The following TMOD3 variants were observed in gnomAD, a reference collection of about 807,000 sequenced individuals.
The protein encoded by TMOD3 is tropomodulin 3.
Under a neutral mutation model 39.2 loss-of-function variants are expected in TMOD3, and 20 were observed. That is an observed-to-expected ratio of 0.51 (90% CI 0.36 to 0.74). TMOD3 has a LOEUF of 0.74. Ranked by LOEUF, TMOD3 falls within the 30% of genes least tolerant of loss-of-function variation. The probability of loss-of-function intolerance (pLI) is 0.00; values close to 1 mark genes in which losing one functional copy is unlikely to be tolerated. For missense variants in TMOD3, 381 were observed against 412.8 expected, an observed-to-expected ratio of 0.92 and a Z score of 0.67; for synonymous variants, 143 against 145.8, an observed-to-expected ratio of 0.98 and a Z score of 0.14.
chr15:51,859,450 A>G (rs1437029820), intron 1 of TMOD3: 3 of 660,788 alleles, frequency 4.5e-6, no homozygotes, highest in Non-Finnish European at 8.7e-6. Context: ...TTCCTGAAAA[A>G]GTCAACTGAA....
At position 51,911,965 on chromosome 15, in the gene TMOD3, G is replaced by A. The variant is rs1056757418; in HGVS notation, c.*3155G>A. 5.3e-5 allele frequency: 8 copies of A among 152,086 alleles called. No individual in the cohort carries two copies. The highest frequency in any genetic ancestry group is 1.7e-4 in the African/African-American group (7 of 41,418). 9.4% of individuals were successfully genotyped at this position (152,086 alleles called of 1,614,324 possible). A position where few individuals can be genotyped will look rare whatever the true frequency, so the allele number is the denominator to read the frequency against. ...AGAGTTAGCTTGGTCATTTAATTGCGACTTCATGTTATTTGATTGAAATAA... is the reference window on the plus strand; with the variant it reads ...AGAGTTAGCTTGGTCATTTAATTGCAACTTCATGTTATTTGATTGAAATAA... On this transcript the variant is annotated 3_prime_UTR_variant, in exon 10 of 10. Transcript: ENST00000308580.
At chr15:51,893,427 A>G (rs1329536359) in intron 5 of TMOD3, among the ~76,000 whole-genome samples, 2 of 151,754 alleles carry the variant, frequency 1.3e-5, no homozygotes, top group African/African-American at 4.8e-5. Flanking sequence ...TATGAGAGAG[A>G]GAGAAAGAGA....
At chr15:51,848,877 G>A (rs927494695) in intron 1 of TMOD3, among the ~76,000 whole-genome samples, 1 of 152,208 alleles carries the variant, frequency 6.6e-6, no homozygotes, top group Non-Finnish European at 1.5e-5. Flanking sequence ...GTTTCTCTAA[G>A]AAGAGCAGGC....
intron 3 of TMOD3, among the ~76,000 whole-genome samples, chr15:51,879,892 A>ACACACAC (rs1270133426): frequency 2.0e-5 from 3 of 150,338 alleles, no homozygotes; most frequent in Non-Finnish European, 3.0e-5. Context: ...ACACACACGA[A>ACACACAC]GAAGAAATTC....
intron 1 of TMOD3, among the ~76,000 whole-genome samples, chr15:51,861,947 A>G (rs527801126): frequency 5.9e-5 from 9 of 152,280 alleles, no homozygotes; most frequent in East Asian, 1.9e-4. Context: ...CTGGCCCAGT[A>G]CTAGGTATAT....
chr15:51,836,308 C>G (rs1265457709), intron 1 of TMOD3, among the ~76,000 whole-genome samples: 2 of 152,132 alleles, frequency 1.3e-5, no homozygotes, highest in African/African-American at 4.8e-5. Flanking sequence ...CCCAATTCCC[C>G]CCTGGTCTCC....
chr15:51,858,118 C>T (rs901554311), intron 1 of TMOD3: 4 of 152,070 alleles, frequency 2.6e-5, no homozygotes, highest in South Asian at 2.1e-4. Context: ...AGTGACACGA[C>T]CGTAGCTCAC....
At chr15:51,867,696 G>A (rs1187573086) in intron 2 of TMOD3, among the ~76,000 whole-genome samples, 1 of 152,176 alleles carries the variant, frequency 6.6e-6, no homozygotes, top group Non-Finnish European at 1.5e-5. Context: ...GGGAGGTTTT[G>A]CAAAAGAGAG....
chr15:51,837,088 A>G (rs992717175), intron 1 of TMOD3, among the ~76,000 whole-genome samples: 2 of 152,188 alleles, frequency 1.3e-5, no homozygotes, highest in African/African-American at 4.8e-5. Context: ...ATATATATAG[A>G]CTTGTAGGTA....
chr15:51,893,770 A>AT (rs2056607093), intron 5 of TMOD3, 45 bp from the exon 6 acceptor site: 3 of 1,463,336 alleles, frequency 2.1e-6, no homozygotes, highest in Non-Finnish European at 2.7e-6. Flanking sequence ...GTCTCAAAAA[A>AT]AAAAAAATGG....
At chr15:51,878,682 G>T (rs2056517878) in intron 3 of TMOD3, among the ~76,000 whole-genome samples, 1 of 152,184 alleles carries the variant, frequency 6.6e-6, no homozygotes, top group Non-Finnish European at 1.5e-5. Flanking sequence ...AGCAGGTGTT[G>T]TGTGTATCAT....
intron 9 of TMOD3, among the ~76,000 whole-genome samples, chr15:51,906,543 T>C (rs1242768600): frequency 1.3e-5 from 2 of 152,240 alleles, no homozygotes; most frequent in Admixed American, 1.3e-4. Flanking sequence ...CTATTTACCT[T>C]TGAGTCTCAC....
chr15:51,855,459 C>T (rs1441072492), intron 1 of TMOD3, among the ~76,000 whole-genome samples: 1 of 152,210 alleles, frequency 6.6e-6, no homozygotes, highest in Non-Finnish European at 1.5e-5. Flanking sequence ...CTGAACATAT[C>T]AGAATTCCAA....
intron 1 of TMOD3, chr15:51,860,935 CAA>C (rs1165044380): frequency 6.5e-6 from 3 of 460,948 alleles, no homozygotes; most frequent in South Asian, 4.9e-5. Flanking sequence ...GACTCCATCT[CAA>C]AAAACAAACA....
intron 8 of TMOD3, 86 bp downstream of exon 8, chr15:51,900,384 C>G: frequency 6.7e-7 from 1 of 1,498,160 alleles, no homozygotes; most frequent in Middle Eastern, 1.8e-4. Flanking sequence ...GGATGGGAGG[C>G]GGGCTGTCAG....
intron 5 of TMOD3, among the ~76,000 whole-genome samples, chr15:51,893,540 G>A (rs560839798): frequency 6.6e-6 from 1 of 152,182 alleles, no homozygotes; most frequent in Non-Finnish European, 1.5e-5. Flanking sequence ...GCTGAGGCGG[G>A]TTGATACGAG....
intron 2 of TMOD3, among the ~76,000 whole-genome samples, chr15:51,865,007 G>A (rs534675600): frequency 4.6e-4 from 70 of 152,028 alleles, no homozygotes; most frequent in African/African-American, 1.7e-3. Context: ...TTTTTTTAGA[G>A]CCCAATTCTC....
chr15:51,896,617 ATAGT>A (rs1198277234), intron 7 of TMOD3, 91 bp downstream of exon 7: 2 of 912,110 alleles, frequency 2.2e-6, no homozygotes, highest in Non-Finnish European at 3.4e-6. Flanking sequence ...CCCCTTTTTT[ATAGT>A]TAATGTTTTA....
chr15:51,854,386 T>TA (rs1319208497), intron 1 of TMOD3, among the ~76,000 whole-genome samples: 1 of 152,212 alleles, frequency 6.6e-6, no homozygotes, highest in African/African-American at 2.4e-5. Context: ...ATGAGTTATA[T>TA]AAGGCTTTTG....
Sources: gnomAD v4.1 joint callset for allele counts (sites outside exome capture counted in the v4.1 genomes callset) on GRCh38, gnomAD v4.1.1 for gene constraint, MANE v1.5 for transcripts, NCBI Gene and HGNC (gene_info 2026-07-23, HGNC 2026-07-21) for gene names.